NRP2: variants seen among roughly 807,000 people sequenced by gnomAD.
The protein encoded by NRP2 is neuropilin-2.
A neutral mutation model predicts 110.4 loss-of-function variants in NRP2; 52 were observed. That is an observed-to-expected ratio of 0.47 (90% confidence interval 0.38 to 0.59). The LOEUF (loss-of-function observed/expected upper bound fraction) is 0.59. Among genes scored for constraint, NRP2 ranks in the 20% least tolerant of loss-of-function variants. The pLI is 0.00. For synonymous variants in NRP2, 508 were observed against 468.9 expected, an observed-to-expected ratio of 1.08 and a Z score of -1.08; for missense variants, 1,049 against 1,203.0, an observed-to-expected ratio of 0.87 and a Z score of 1.89.
intron 15 of NRP2, among the ~76,000 whole-genome samples, chr2:205,786,386 A>T (rs907199895): frequency 1.3e-5 from 2 of 152,192 alleles, no homozygotes; most frequent in Non-Finnish European, 2.9e-5. Context: ...TAACTGGCCC[A>T]TGGGGTTCAG....
chr2:205,786,432 G>A (rs1006416069), intron 15 of NRP2, among the ~76,000 whole-genome samples: 1 of 152,186 alleles, frequency 6.6e-6, no homozygotes, highest in Non-Finnish European at 1.5e-5. Flanking sequence ...GCACTAAGTG[G>A]CCAAGAGCTT....
At chr2:205,769,505 T>TACACAC (rs56837273) in intron 15 of NRP2, among the ~76,000 whole-genome samples, 57,703 of 144,954 alleles carry the variant, frequency 0.4, 11,865 homozygotes, top group South Asian at 0.51. Context: ...TATACATACA[T>TACACAC]ACACACACAC....
At chr2:205,776,020 T>G (rs1225125666) in intron 15 of NRP2, 6 of 698,552 alleles carry the variant, frequency 8.6e-6, no homozygotes, top group African/African-American at 5.2e-5. Context: ...TTTCCTCATC[T>G]GTAAAATGGG....
chr2:205,772,640 GATCA>G (rs1389375150), intron 15 of NRP2, among the ~76,000 whole-genome samples: 1 of 152,224 alleles, frequency 6.6e-6, no homozygotes, highest in Non-Finnish European at 1.5e-5. Flanking sequence ...GTAGAAATTA[GATCA>G]ATCAAAGGGA....
chr2:205,698,685 G>T (rs1006969060), intron 2 of NRP2, among the ~76,000 whole-genome samples: 9 of 152,236 alleles, frequency 5.9e-5, no homozygotes, highest in African/African-American at 2.2e-4. Flanking sequence ...TGGAAATAAA[G>T]TGAGAGTTTT....
intron 15 of NRP2, chr2:205,768,408 C>T (rs1416503778): frequency 6.6e-6 from 1 of 152,224 alleles, no homozygotes. Context: ...TGTGGAGACT[C>T]ACAGCTCCCA....
At chr2:205,757,553 G>A (rs777462864) in intron 12 of NRP2, among the ~76,000 whole-genome samples, 3 of 152,196 alleles carry the variant, frequency 2.0e-5, no homozygotes, top group Admixed American at 1.3e-4. Context: ...TAGACAGTGA[G>A]CAAGTGGTGA....
chr2:205,793,353 T>C (rs1422526166), intron 16 of NRP2, among the ~76,000 whole-genome samples: 1 of 152,230 alleles, frequency 6.6e-6, no homozygotes. Context: ...TTTCCTCACC[T>C]ATTAAAATAT....
chr2:205,721,975 G>A (rs1322094193), intron 3 of NRP2, among the ~76,000 whole-genome samples: 1 of 152,112 alleles, frequency 6.6e-6, no homozygotes, highest in Non-Finnish European at 1.5e-5. Flanking sequence ...CACTTCGTTG[G>A]CTGTGGTACA....
intron 15 of NRP2, among the ~76,000 whole-genome samples, chr2:205,771,350 C>G (rs942797661): frequency 2.0e-5 from 3 of 152,206 alleles, no homozygotes; most frequent in Admixed American, 2.0e-4. Flanking sequence ...GTAAACTTCT[C>G]TAGAGGAGCC....
chr2:205,789,750 A>G (rs3770994), intron 15 of NRP2, among the ~76,000 whole-genome samples: 124,526 of 152,126 alleles, frequency 0.82, 51,730 homozygotes, highest in South Asian at 0.9. Flanking sequence ...ACAGGGACCT[A>G]ATGAGAGAAC....
At chr2:205,786,938 G>C (rs1031016178) in intron 15 of NRP2, among the ~76,000 whole-genome samples, 1 of 152,150 alleles carries the variant, frequency 6.6e-6, no homozygotes, top group African/African-American at 2.4e-5. Context: ...ACTCCCAGGA[G>C]AGGACAGAGT....
At chr2:205,770,892 G>A (rs1230951411) in intron 15 of NRP2, among the ~76,000 whole-genome samples, 1 of 152,170 alleles carries the variant, frequency 6.6e-6, no homozygotes, top group Non-Finnish European at 1.5e-5. Flanking sequence ...ACACAGAGGT[G>A]TTCTTTGTGA....
chr2:205,782,293 G>A (rs185223408), intron 15 of NRP2, among the ~76,000 whole-genome samples: 1 of 152,236 alleles, frequency 6.6e-6, no homozygotes, highest in African/African-American at 2.4e-5. Context: ...CATTTGAACA[G>A]TCAACAACAG....
chr2:205,722,982 A>T (rs1159291983), intron 4 of NRP2, among the ~76,000 whole-genome samples: 1 of 152,192 alleles, frequency 6.6e-6, no homozygotes, highest in Non-Finnish European at 1.5e-5. Flanking sequence ...TTCTACTCCA[A>T]ATTGTCAGGA....
chr2:205,722,581 C>A lies in NRP2; in HGVS notation c.537C>A (p.Ile179=). The A allele has an allele frequency of 6.2e-7, 1 of 1,614,206 alleles. No homozygotes were observed. Among genetic ancestry groups the A allele is most frequent in the Non-Finnish European group, 8.5e-7 (1 of 1,180,038 alleles). The change falls in exon 4 of 17, where the codon ATC becomes ATA. Residue 179 remains isoleucine, a synonymous_variant. Coordinates refer to ENST00000357785, the MANE Select transcript of NRP2 (RefSeq NM_003872.3). ...YPHNLDCTFT[I]LAKPKMEIIL... Reference sequence around the variant, plus strand: ...ACAACTTGGACTGCACCTTTACCATCCTGGCCAAACCCAAGATGGAGATCA... The same window carrying A: ...ACAACTTGGACTGCACCTTTACCATACTGGCCAAACCCAAGATGGAGATCA...
intron 2 of NRP2, among the ~76,000 whole-genome samples, chr2:205,703,270 A>C (rs2056600541): frequency 6.6e-6 from 1 of 152,260 alleles, no homozygotes; most frequent in Admixed American, 6.5e-5. Flanking sequence ...GATTTGGGAC[A>C]TGAGTCTCTC....
At chr2:205,759,917 G>C (rs1164016657) in intron 12 of NRP2, among the ~76,000 whole-genome samples, 1 of 152,132 alleles carries the variant, frequency 6.6e-6, no homozygotes, top group Non-Finnish European at 1.5e-5. Context: ...GACTGTCTTT[G>C]TATCCATTTT....
chr2:205,766,871 A>G, intron 15 of NRP2, 68 bp downstream of exon 15: 1 of 1,408,018 alleles, frequency 7.1e-7, no homozygotes, highest in Non-Finnish European at 1.0e-6. Flanking sequence ...TGTGATGTGA[A>G]TTTGATGGGG....
Sources: allele counts gnomAD v4.1 joint callset (sites outside exome capture counted in the v4.1 genomes callset), GRCh38; gene constraint gnomAD v4.1.1; transcripts MANE v1.5; gene names NCBI Gene and HGNC (gene_info 2026-07-23, HGNC 2026-07-21).